LCP2: variants seen among roughly 807,000 people sequenced by gnomAD.
LCP2 encodes the protein lymphocyte cytosolic protein 2, also known as 76 kDa tyrosine phosphoprotein.
LCP2 carries 29 observed loss-of-function variants against 74.5 expected under a neutral mutation model. The ratio of observed to expected loss-of-function variants is 0.39; its 90% CI spans 0.29 to 0.53. The LOEUF is 0.53. Among genes scored for constraint, LCP2 ranks in the 20% least tolerant of loss-of-function variants. LCP2 has a pLI of 0.72. For synonymous variants in LCP2, 228 were observed against 229.5 expected, an observed-to-expected ratio of 0.99 and a Z score of 0.06; for missense variants, 604 against 634.6, an observed-to-expected ratio of 0.95 and a Z score of 0.52.
chr5:170,261,867 T>C (rs1268655742), intron 13 of LCP2, among the ~76,000 whole-genome samples: 1 of 152,198 alleles, frequency 6.6e-6, no homozygotes, highest in Non-Finnish European at 1.5e-5. Flanking sequence ...TCTCATTCTG[T>C]GTTTATTTAA....
Position 170,258,626 on chromosome 5 carries a change from G to T in LCP2, c.970+240C>A, listed in dbSNP as rs544016776. On this transcript the variant is annotated intron_variant, in intron 15 of 20. Coordinates refer to ENST00000046794, the MANE Select transcript of LCP2 (RefSeq NM_005565.5). The stretch of plus-strand genomic sequence containing the variant: ...AACCATGCATGCAATTTTACATTTT[G>T]TGATACAATTAAATAATCTGCACTG... 1.4e-5 allele frequency: 6 copies of T among 432,654 alleles called. No individual in the cohort carries two copies. In the East Asian group the frequency reaches 2.0e-4, roughly 15 times the overall value. The allele number at this position is 432,654 out of a possible 1,614,324, so 26.8% of individuals were successfully genotyped here. A position where few individuals can be genotyped will look rare whatever the true frequency, so the allele number is the denominator to read the frequency against.
At chr5:170,293,421 A>T (rs1305152245) in intron 1 of LCP2, 49 bp from the exon 2 acceptor site, 1 of 1,533,100 alleles carries the variant, frequency 6.5e-7, no homozygotes, top group Non-Finnish European at 8.9e-7. Flanking sequence ...GTCTCTTACC[A>T]TTGGTTCCTC....
chr5:170,278,566 C>T (rs1762049903), intron 3 of LCP2, among the ~76,000 whole-genome samples: 1 of 151,388 alleles, frequency 6.6e-6, no homozygotes, highest in Non-Finnish European at 1.5e-5. Flanking sequence ...ATGATCAGGC[C>T]TCACTGAAGA....
chr5:170,274,357 C>T lies in LCP2; in HGVS notation c.287-19G>A, dbSNP rs1300929237. On this transcript the variant is annotated intron_variant, in intron 5 of 20. Transcript: ENST00000046794. The stretch of plus-strand genomic sequence containing the variant: ...TGGCTTTCTGTGGAAGGAGATGACA[C>T]CACCATCAGCACTGAAGAAAAGCCA... 1 of 1,611,684 alleles carries T rather than the reference C, an allele frequency of 6.2e-7. No homozygotes were observed. Among genetic ancestry groups the T allele is most frequent in the Non-Finnish European group, 8.5e-7 (1 of 1,178,908 alleles).
chr5:170,275,702 C>G, intron 4 of LCP2, 93 bp downstream of exon 4: 1 of 1,117,792 alleles, frequency 8.9e-7, no homozygotes, highest in Non-Finnish European at 1.3e-6. Context: ...AAATGCAGAT[C>G]AAAAAGTAGG....
intron 13 of LCP2, among the ~76,000 whole-genome samples, chr5:170,261,899 A>T (rs1055296068): frequency 6.6e-5 from 10 of 152,218 alleles, no homozygotes; most frequent in Non-Finnish European, 2.9e-5. Flanking sequence ...TTTGTTCCTT[A>T]TGAGTTTGCT....
chr5:170,257,791 A>T (rs1431814080), intron 16 of LCP2, among the ~76,000 whole-genome samples: 1 of 152,164 alleles, frequency 6.6e-6, no homozygotes, highest in African/African-American at 2.4e-5. Context: ...GGCCCATTCT[A>T]TCTGGAGGGA....
intron 3 of LCP2, among the ~76,000 whole-genome samples, chr5:170,278,148 C>A (rs922186120): frequency 2.0e-5 from 3 of 150,228 alleles, no homozygotes; most frequent in Non-Finnish European, 4.4e-5. Context: ...GCAGCCACTC[C>A]CATTCTGTCA....
intron 14 of LCP2, 77 bp downstream of exon 14, chr5:170,261,030 A>T (rs1761639683): frequency 1.8e-6 from 2 of 1,106,410 alleles, no homozygotes; most frequent in Non-Finnish European, 2.8e-6. Flanking sequence ...GCCAAGGTGG[A>T]TGGAGTCCCA....
At chr5:170,257,132 C>G (rs544330935) in intron 16 of LCP2, among the ~76,000 whole-genome samples, 1 of 152,306 alleles carries the variant, frequency 6.6e-6, no homozygotes, top group African/African-American at 2.4e-5. Flanking sequence ...TGAGCAGCAA[C>G]TCCTGCACCC....
At chr5:170,254,921 C>G (rs890288709) in intron 17 of LCP2, among the ~76,000 whole-genome samples, 1 of 152,168 alleles carries the variant, frequency 6.6e-6, no homozygotes, top group African/African-American at 2.4e-5. Context: ...TAGAGAAGAC[C>G]GAGGACCAGG....
In LCP2 at chr5:170,267,060, G is replaced by T; in HGVS notation, c.637C>A (p.Gln213Lys). 6.2e-7 allele frequency: 1 copy of T among 1,613,922 alleles called. No homozygotes were observed. Residue 213 changes from glutamine (Q) to lysine (K), a missense_variant, in exon 9 of 21, where the codon CAG becomes AAG. Coordinates refer to ENST00000046794, the MANE Select transcript of LCP2 (RefSeq NM_005565.5). The part of the protein sequence containing the change: ...GRNHSPLPPP[Q>K]TNHEEPSRSR... Reference sequence around the variant, plus strand: ...CTGCTGGGTTCTTCGTGGTTGGTCTGGGGTGGGGGCAGTGGCTGCATAAAG... The same window carrying T: ...CTGCTGGGTTCTTCGTGGTTGGTCTTGGGTGGGGGCAGTGGCTGCATAAAG...
Position 170,248,578 on chromosome 5 carries a change from C to T in LCP2, c.*119G>A. The T allele has an allele frequency of 9.8e-7, 1 of 1,021,012 alleles. No individual in the cohort carries two copies. 63.2% of individuals were successfully genotyped at this position (1,021,012 alleles called of 1,614,324 possible). On this transcript the variant is annotated 3_prime_UTR_variant, in exon 21 of 21. Coordinates refer to ENST00000046794, the MANE Select transcript of LCP2 (RefSeq NM_005565.5). Reference sequence around the variant, plus strand: ...TGTTTTTAAAGGAAAGGATAAAACCCTTGTGTTCATGGGGAGGGGTTCAGT... The same window carrying T: ...TGTTTTTAAAGGAAAGGATAAAACCTTTGTGTTCATGGGGAGGGGTTCAGT...
intron 2 of LCP2, among the ~76,000 whole-genome samples, chr5:170,289,875 G>GC (rs1762259906): frequency 6.6e-6 from 1 of 151,426 alleles, no homozygotes; most frequent in Admixed American, 6.6e-5. Context: ...CCTAAGGGCT[G>GC]CCAGAGGGGT....
intron 20 of LCP2, among the ~76,000 whole-genome samples, chr5:170,249,357 C>G (rs1033255297): frequency 9.6e-6 from 1 of 104,558 alleles, no homozygotes. Context: ...TATGTGCATG[C>G]GTGTGTATAT....
chr5:170,272,576 C>A lies in LCP2; in HGVS notation c.325-1659G>T, dbSNP rs577592599. Among the ~76,000 whole-genome samples, 18 of 132,658 alleles carry A rather than the reference C, an allele frequency of 1.4e-4. No individual in the cohort carries two copies. The East Asian group carries it at 3.5e-3, about 26-fold the overall frequency. The allele number at this position is 132,658 out of a possible 152,430, so 87.0% of individuals were successfully genotyped here. A position where few individuals can be genotyped will look rare whatever the true frequency, so the allele number is the denominator to read the frequency against. On this transcript the variant is annotated intron_variant, in intron 6 of 20. Transcript: ENST00000046794. ...ATAGACTAAATGAGATCGGTTATAACTGTAACCCATCAAATATTTTCTTTT... is the reference window on the plus strand; with the variant it reads ...ATAGACTAAATGAGATCGGTTATAAATGTAACCCATCAAATATTTTCTTTT...
chr5:170,283,664 G>A (rs550435123), intron 3 of LCP2, among the ~76,000 whole-genome samples: 10 of 152,038 alleles, frequency 6.6e-5, no homozygotes, highest in East Asian at 1.9e-4. Flanking sequence ...AATGGCTCAC[G>A]GGACCTTTAT....
chr5:170,259,361 C>T (rs557626697), intron 14 of LCP2, among the ~76,000 whole-genome samples: 8 of 152,162 alleles, frequency 5.3e-5, no homozygotes, highest in Admixed American at 2.0e-4. Flanking sequence ...CTTTTTGGCT[C>T]TCTTTTGCAA....
intron 20 of LCP2, among the ~76,000 whole-genome samples, chr5:170,249,137 C>T (rs1220062301): frequency 6.6e-6 from 1 of 152,056 alleles, no homozygotes; most frequent in Non-Finnish European, 1.5e-5. Context: ...GCTTGACCAA[C>T]ATGGTGAAAC....
Sources: gnomAD v4.1 joint callset for allele counts (sites outside exome capture counted in the v4.1 genomes callset) on GRCh38, gnomAD v4.1.1 for gene constraint, MANE v1.5 for transcripts, NCBI Gene and HGNC (gene_info 2026-07-23, HGNC 2026-07-21) for gene names.